The following ZSWIM5 variants were observed in gnomAD, a reference collection of about 807,000 sequenced individuals.
ZSWIM5 encodes the protein zinc finger SWIM domain-containing protein 5.
A neutral mutation model predicts 119.6 loss-of-function variants in ZSWIM5; 55 were observed. That is an observed-to-expected ratio of 0.46 (90% CI 0.37 to 0.58). ZSWIM5 has a LOEUF of 0.58. Ranked by LOEUF, ZSWIM5 falls within the 20% of genes least tolerant of loss-of-function variation. The pLI, the probability that ZSWIM5 is intolerant of heterozygous loss-of-function variation, is 0.00. For missense variants in ZSWIM5, 1,193 were observed against 1,512.8 expected, an observed-to-expected ratio of 0.79 and a Z score of 3.51; for synonymous variants, 537 against 606.9, an observed-to-expected ratio of 0.88 and a Z score of 1.69.
chr1:45,127,301 G>A (rs1557774010), intron 1 of ZSWIM5, among the ~76,000 whole-genome samples: 1 of 152,082 alleles, frequency 6.6e-6, no homozygotes, highest in Non-Finnish European at 1.5e-5. Context: ...CACAGGAAAA[G>A]TATTTGGACA....
chr1:45,133,598 G>A (rs904221415), intron 1 of ZSWIM5, among the ~76,000 whole-genome samples: 15 of 152,150 alleles, frequency 9.9e-5, no homozygotes, highest in Non-Finnish European at 2.1e-4. Context: ...TTGCTGTGCA[G>A]AAGCTCTTTA....
At chr1:45,030,382 G>C (rs1308526639) in intron 11 of ZSWIM5, among the ~76,000 whole-genome samples, 1 of 152,164 alleles carries the variant, frequency 6.6e-6, no homozygotes, top group Non-Finnish European at 1.5e-5. Flanking sequence ...GAGTAGCTGG[G>C]ATTACAGGCA....
Position 45,060,098 on chromosome 1 carries a change from C to A in ZSWIM5, c.1101+1G>T. ...AAGAAAAACACCTTTTCATATCTTA[C>A]CTTGGCAAACATTGAGTTGAGTTGC... On this transcript the variant is annotated splice_donor_variant, in intron 3 of 13. Transcript: ENST00000359600. LOFTEE classifies it high-confidence loss of function. 6.2e-7 allele frequency: 1 copy of A among 1,614,122 alleles called. No homozygotes were observed. The highest frequency in any genetic ancestry group is 8.5e-7 in the Non-Finnish European group (1 of 1,180,002).
At chr1:45,077,741 G>A (rs1480933043) in intron 2 of ZSWIM5, among the ~76,000 whole-genome samples, 2 of 152,206 alleles carry the variant, frequency 1.3e-5, no homozygotes, top group African/African-American at 4.8e-5. Flanking sequence ...ATAAGAGACA[G>A]GTACGCCCCG....
At chr1:45,163,556 C>T (rs1645878883) in intron 1 of ZSWIM5, among the ~76,000 whole-genome samples, 1 of 152,234 alleles carries the variant, frequency 6.6e-6, no homozygotes, top group Non-Finnish European at 1.5e-5. Context: ...GAACCCATCG[C>T]AAAGAAGTTG....
At chr1:45,070,626 T>G (rs1237040444) in intron 2 of ZSWIM5, among the ~76,000 whole-genome samples, 1 of 152,258 alleles carries the variant, frequency 6.6e-6, no homozygotes, top group Non-Finnish European at 1.5e-5. Context: ...TTTCAAAGTT[T>G]TATTCTTTCT....
In ZSWIM5 at chr1:45,019,157, G is replaced by A; in HGVS notation, c.2855C>T (p.Thr952Ile). The change falls in exon 14 of 14, where the codon ACA becomes ATA. Residue 952 changes from threonine to isoleucine, a missense_variant. Physicochemically the swap from Thr to Ile is moderately conservative, Grantham distance 89 (BLOSUM62 -1). This residue lies in a region of ZSWIM5 where 961 missense variants were observed against 1,290.0 expected (regional missense o/e 0.74). Coordinates refer to ENST00000359600, the MANE Select transcript of ZSWIM5 (RefSeq NM_020883.2). The surrounding 1 kb of genome is among the most constrained non-coding windows in gnomAD (Gnocchi z 5.0). ...QREELASCAR[T>I]LALQCAMKDP... ...CTTCATAGCACACTGTAGAGCCAGT[G>A]TGCGAGCACAGCTAGCCAGTTCCTC... 1.9e-6 allele frequency: 3 copies of A among 1,613,930 alleles called. No homozygotes were observed. Among genetic ancestry groups the A allele is most frequent in the African/African-American group, 1.3e-5 (1 of 75,054 alleles).
intron 11 of ZSWIM5, among the ~76,000 whole-genome samples, chr1:45,031,164 C>T (rs1452848064): frequency 2.4e-5 from 3 of 126,404 alleles, no homozygotes; most frequent in African/African-American, 8.6e-5. Flanking sequence ...TTGATTTTTG[C>T]TCTGATTTTT....
At chr1:45,102,784 T>G (rs1437934105) in intron 1 of ZSWIM5, among the ~76,000 whole-genome samples, 2 of 152,178 alleles carry the variant, frequency 1.3e-5, no homozygotes, top group African/African-American at 4.8e-5. Context: ...GTAACAATAA[T>G]TTGTATATTT....
intron 1 of ZSWIM5, among the ~76,000 whole-genome samples, chr1:45,187,149 C>G (rs1176199792): frequency 6.6e-6 from 1 of 151,874 alleles, no homozygotes; most frequent in Non-Finnish European, 1.5e-5. Context: ...ATAGCCAAAA[C>G]AATCTTGAAA....
rs529293307 is a variant in ZSWIM5 at position 45,199,510 on chromosome 1, A to G, written c.595+6246T>C. Among the ~76,000 whole-genome samples the G allele has an allele frequency of 2.6e-4, 40 of 152,262 alleles. No homozygotes were observed. The South Asian group carries it at 7.9e-3, about 30-fold the overall frequency. On this transcript the variant is annotated intron_variant, in intron 1 of 13. Coordinates refer to ENST00000359600, the MANE Select transcript of ZSWIM5 (RefSeq NM_020883.2). ...GAGACGTGGTTTCACCATGTTGGCC[A>G]GGATGGTCTTGATCTCCTGACCTCA...
At chr1:45,201,340 T>C (rs999677686) in intron 1 of ZSWIM5, among the ~76,000 whole-genome samples, 2 of 152,192 alleles carry the variant, frequency 1.3e-5, no homozygotes, top group African/African-American at 4.8e-5. Context: ...AGGAAACTAA[T>C]ACAGCATTTT....
chr1:45,166,807 C>CA (rs1468738861), intron 1 of ZSWIM5, among the ~76,000 whole-genome samples: 3 of 151,892 alleles, frequency 2.0e-5, no homozygotes, highest in Non-Finnish European at 4.4e-5. Flanking sequence ...AACCACTGCT[C>CA]AACAAAATAA....
intron 11 of ZSWIM5, among the ~76,000 whole-genome samples, chr1:45,027,764 G>C (rs1644929298): frequency 1.3e-5 from 2 of 152,030 alleles, no homozygotes; most frequent in African/African-American, 2.4e-5. Flanking sequence ...CTTCAGCCTT[G>C]ACCTCCCAGG....
chr1:45,193,009 G>A (rs559812655), intron 1 of ZSWIM5, among the ~76,000 whole-genome samples: 1 of 152,136 alleles, frequency 6.6e-6, no homozygotes, highest in East Asian at 1.9e-4. Flanking sequence ...TTTTCTTGTG[G>A]CTGAGTTGTA....
chr1:45,068,792 CTTTTTTTTTTTTTTTT>C lies in ZSWIM5; in HGVS notation c.953-8561_953-8546del, dbSNP rs758235271. Among the ~76,000 whole-genome samples, 7 of 46,730 alleles carry C rather than the reference CTTTTTTTTTTTTTTTT, an allele frequency of 1.5e-4. No individual in the cohort carries two copies. The Admixed American group carries it at 1.9e-3, about 13-fold the overall frequency. The allele number at this position is 46,730 out of a possible 152,430, so 30.7% of individuals were successfully genotyped here. A position where few individuals can be genotyped will look rare whatever the true frequency, so the allele number is the denominator to read the frequency against. Reference sequence around the variant, plus strand: ...TCACTGTTTTGTTGCTGTTGTATGTCTTTTTTTTTTTTTTTTTTTTTTTTTTTTCTGAGACAGGATC... The same window carrying C: ...TCACTGTTTTGTTGCTGTTGTATGTCTTTTTTTTTTTTCTGAGACAGGATC... On this transcript the variant is annotated intron_variant, in intron 2 of 13. Coordinates refer to ENST00000359600, the MANE Select transcript of ZSWIM5 (RefSeq NM_020883.2).
chr1:45,160,139 A>C (rs181497888), intron 1 of ZSWIM5, among the ~76,000 whole-genome samples: 5 of 152,132 alleles, frequency 3.3e-5, no homozygotes, highest in African/African-American at 1.2e-4. Context: ...ATAACAATGC[A>C]TTGATTAGAA....
At chr1:45,081,509 C>T (rs1346584378) in intron 2 of ZSWIM5, among the ~76,000 whole-genome samples, 2 of 152,018 alleles carry the variant, frequency 1.3e-5, no homozygotes, top group African/African-American at 2.4e-5. Context: ...GACGGGGTTT[C>T]GCTGTGTTGG....
At chr1:45,036,381 G>C (rs1282373826) in intron 8 of ZSWIM5, 82 bp from the exon 9 acceptor site, 2 of 1,493,254 alleles carry the variant, frequency 1.3e-6, no homozygotes, top group Non-Finnish European at 8.9e-7. Flanking sequence ...TTGAGACAGA[G>C]TCTTGCTCTG....
Sources: gnomAD v4.1 joint callset for allele counts (sites outside exome capture counted in the v4.1 genomes callset) on GRCh38, gnomAD v4.1.1 for gene constraint, gnomAD v4.1.1 regional missense constraint, Gnocchi (gnomAD v3.1) non-coding constraint, MANE v1.5 for transcripts, NCBI Gene and HGNC (gene_info 2026-07-23, HGNC 2026-07-21) for gene names.